The following RASGEF1C variants were observed in gnomAD, a reference collection of about 807,000 sequenced individuals.
The protein encoded by RASGEF1C is ras-GEF domain-containing family member 1C.
A neutral mutation model predicts 58.1 loss-of-function variants in RASGEF1C; 27 were observed. The observed-to-expected ratio is 0.46, with a 90% CI of 0.34 to 0.64. The LOEUF is 0.64. Among genes scored for constraint, RASGEF1C ranks in the 30% least tolerant of loss-of-function variants. The pLI is 0.01. For missense variants in RASGEF1C, 502 were observed against 605.1 expected (o/e 0.83, Z 1.79); for synonymous variants, 243 against 246.3 (o/e 0.99, Z 0.13).
intron 1 of RASGEF1C, among the ~76,000 whole-genome samples, chr5:180,185,278 G>A (rs1218694589): frequency 2.2e-5 from 2 of 90,140 alleles, no homozygotes; most frequent in African/African-American, 4.6e-5. Context: ...GTGACAGAGC[G>A]AGACTCTGTC....
chr5:180,146,082 G>A (rs1302016585), intron 1 of RASGEF1C, among the ~76,000 whole-genome samples: 1 of 151,994 alleles, frequency 6.6e-6, no homozygotes, highest in African/African-American at 2.4e-5. Flanking sequence ...TTTGTCTTTT[G>A]TTGCCTGTGT....
At chr5:180,120,368 C>T (rs1190626013) in intron 7 of RASGEF1C, among the ~76,000 whole-genome samples, 2 of 152,224 alleles carry the variant, frequency 1.3e-5, no homozygotes, top group Non-Finnish European at 2.9e-5. Flanking sequence ...CCTCTCTACT[C>T]TTCTCCGCAG....
chr5:180,114,919 G>A (rs560958969), intron 10 of RASGEF1C, among the ~76,000 whole-genome samples: 6 of 152,342 alleles, frequency 3.9e-5, no homozygotes, highest in African/African-American at 1.4e-4. Context: ...CCCATCCAAA[G>A]GTCCACAGGC....
chr5:180,140,524 A>T (rs1293845842), intron 1 of RASGEF1C, among the ~76,000 whole-genome samples: 1 of 152,152 alleles, frequency 6.6e-6, no homozygotes, highest in Non-Finnish European at 1.5e-5. Context: ...CTCTGTGCTC[A>T]CTGCGGTGGA....
intron 1 of RASGEF1C, among the ~76,000 whole-genome samples, chr5:180,185,218 G>A (rs1013328227): frequency 6.6e-6 from 1 of 152,034 alleles, no homozygotes; most frequent in Non-Finnish European, 1.5e-5. Context: ...TGTGAACCCG[G>A]GAGGCAGAGC....
intron 12 of RASGEF1C, among the ~76,000 whole-genome samples, chr5:180,104,845 G>A (rs1765848970): frequency 6.6e-6 from 1 of 152,166 alleles, no homozygotes; most frequent in African/African-American, 2.4e-5. Context: ...CATTTAAATT[G>A]TTAAATTCGT....
chr5:180,140,853 G>A (rs1043365249), intron 1 of RASGEF1C, among the ~76,000 whole-genome samples: 10 of 152,206 alleles, frequency 6.6e-5, no homozygotes, highest in African/African-American at 7.2e-5. Flanking sequence ...GCAGAGGCTC[G>A]GCGGAGCGGG....
At chr5:180,204,236 A>G (rs2127564806) in intron 1 of RASGEF1C, among the ~76,000 whole-genome samples, 1 of 152,350 alleles carries the variant, frequency 6.6e-6, no homozygotes, top group Non-Finnish European at 1.5e-5. Context: ...CAATGCTGTT[A>G]TGAGCATTTG....
At chr5:180,136,580 G>T in intron 3 of RASGEF1C, 65 bp from the exon 4 acceptor site, 4 of 1,503,542 alleles carry the variant, frequency 2.7e-6, no homozygotes, top group Non-Finnish European at 3.6e-6. Context: ...GCCTCACTGC[G>T]CGTCCTTGCG....
chr5:180,179,352 C>G lies in RASGEF1C; in HGVS notation c.-7+29676G>C, dbSNP rs1767283001. Among the ~76,000 whole-genome samples, 3 of 152,144 alleles carry G rather than the reference C, an allele frequency of 2.0e-5. No individual in the cohort carries two copies. In the South Asian group the frequency reaches 6.2e-4, roughly 32 times the overall value. ...GTAAGAGCAGCAGGAAGCCCAGGGA[C>G]AGGAGGGGGCTTGGAAGCCCAGAGG... On this transcript the variant is annotated intron_variant, in intron 1 of 13. Coordinates refer to ENST00000361132, the MANE Select transcript of RASGEF1C (RefSeq NM_175062.4).
chr5:180,117,204 C>A (rs1011448561), intron 10 of RASGEF1C, among the ~76,000 whole-genome samples: 4 of 152,214 alleles, frequency 2.6e-5, no homozygotes, highest in African/African-American at 9.7e-5. Context: ...GACCCAGAGT[C>A]ACTGACACAC....
At chr5:180,202,379 CT>C (rs764264379) in intron 1 of RASGEF1C, among the ~76,000 whole-genome samples, 2 of 152,096 alleles carry the variant, frequency 1.3e-5, no homozygotes, top group Non-Finnish European at 2.9e-5. Context: ...TAAAAGAAGA[CT>C]TAAATATGCA....
At chr5:180,102,042 C>T in intron 13 of RASGEF1C, 29 bp downstream of exon 13, 1 of 1,097,436 alleles carries the variant, frequency 9.1e-7, no homozygotes, top group South Asian at 1.2e-5. Context: ...CAAGCAGCCC[C>T]CAGGCCCCAC....
rs1766836708 is a variant in RASGEF1C, at chr5:180,155,643, A to C, written c.-6-17585T>G. On this transcript the variant is annotated intron_variant, in intron 1 of 13. Coordinates refer to ENST00000361132, the MANE Select transcript of RASGEF1C (RefSeq NM_175062.4). This position sits in a 1 kb window ranked among gnomAD's most constrained non-coding sequence, Gnocchi z 5.2. ...CACCAAGACCCACGGCAGATTGGCC[A>C]CTAAATATAGAGCTCTCCCAAGAGG... Among the ~76,000 whole-genome samples, 1 of 151,908 alleles carries C rather than the reference A, an allele frequency of 6.6e-6. No homozygotes were observed. Among genetic ancestry groups the C allele is most frequent in the Admixed American group, 6.6e-5 (1 of 15,256 alleles).
chr5:180,207,285 G>T (rs1212169215), intron 1 of RASGEF1C, among the ~76,000 whole-genome samples: 1 of 152,216 alleles, frequency 6.6e-6, no homozygotes, highest in Non-Finnish European at 1.5e-5. Context: ...GGGGGAATAA[G>T]GTTCTCACTG....
Position 180,209,104 on chromosome 5 carries a change from GCGCCGCCCGCCGCCGCCGCCGC to G in RASGEF1C, c.-105_-84del, listed in dbSNP as rs1464378146. On this transcript the variant is annotated 5_prime_UTR_variant, in exon 1 of 14. Transcript: ENST00000361132. ...GCGAGCCTCGGCGCCGCGGACCGGG[GCGCCGCCCGCCGCCGCCGCCGC>G]CGCCGCCGCCGCCGCCGCCGCCGCC... 1.5e-5 allele frequency: 2 copies of G among 137,880 alleles called. No individual in the cohort carries two copies. Among genetic ancestry groups the G allele is most frequent in the Admixed American group, 1.4e-4 (2 of 14,212 alleles). 8.5% of individuals were successfully genotyped at this position (137,880 alleles called of 1,614,324 possible).
At position 180,166,436 on chromosome 5, in the gene RASGEF1C, T is replaced by C. The variant is rs116170167; in HGVS notation, c.-6-28378A>G. 2.8e-3 allele frequency among the ~76,000 whole-genome samples: 421 copies of C among 152,172 alleles called. 3 individuals are homozygous for C. The highest frequency in any genetic ancestry group is 8.8e-3 in the African/African-American group (365 of 41,506). ...CTTCTGTGAGCAGTGCTTGCAGAGC[T>C]GTTCTATTGGCAACACACCCTCTTA... On this transcript the variant is annotated intron_variant, in intron 1 of 13. Coordinates refer to ENST00000361132, the MANE Select transcript of RASGEF1C (RefSeq NM_175062.4).
At chr5:180,122,071 G>A (rs968937380) in intron 6 of RASGEF1C, among the ~76,000 whole-genome samples, 1 of 143,350 alleles carries the variant, frequency 7.0e-6, no homozygotes. Context: ...TTAGCCATGA[G>A]ATCAATAGTA....
intron 1 of RASGEF1C, among the ~76,000 whole-genome samples, chr5:180,182,219 AAAAAAAAAAAAAG>A (rs1366375712): frequency 1.4e-5 from 2 of 148,052 alleles, no homozygotes; most frequent in Non-Finnish European, 3.0e-5. Context: ...AAAAAAAAAA[AAAAAAAAAAAAAG>A]AATGAAGCCA....
Sources: allele counts gnomAD v4.1 joint callset (sites outside exome capture counted in the v4.1 genomes callset), GRCh38; gene constraint gnomAD v4.1.1; non-coding constraint Gnocchi (gnomAD v3.1); transcripts MANE v1.5; gene names NCBI Gene and HGNC (gene_info 2026-07-23, HGNC 2026-07-21).